The following OLFM3 variants were observed in gnomAD, a reference collection of about 807,000 sequenced individuals.
OLFM3 encodes noelin-3.
In OLFM3, 20 loss-of-function variants were observed where a neutral mutation model predicts 48.6. The ratio of observed to expected loss-of-function variants is 0.41; its 90% confidence interval spans 0.29 to 0.60. OLFM3 has a LOEUF of 0.60. Ranked by LOEUF, OLFM3 falls within the 20% of genes least tolerant of loss-of-function variation. The pLI is 0.28. For missense variants in OLFM3, 437 were observed against 544.3 expected (o/e 0.80, Z 1.96); for synonymous variants, 222 against 198.1 (o/e 1.12, Z -1.01).
chr1:101,943,953 C>T (rs1659874148), intron 1 of OLFM3, among the ~76,000 whole-genome samples: 1 of 151,452 alleles, frequency 6.6e-6, no homozygotes, highest in Admixed American at 6.6e-5. Flanking sequence ...TGCAACATTG[C>T]CTAATAACTT....
chr1:101,986,146 T>C (rs935625945), intron 1 of OLFM3, among the ~76,000 whole-genome samples: 2 of 152,148 alleles, frequency 1.3e-5, no homozygotes, highest in East Asian at 3.9e-4. Context: ...TTTGTATTTT[T>C]AGTAGAGACG....
chr1:101,991,131 C>T (rs964448745), intron 1 of OLFM3, among the ~76,000 whole-genome samples: 1 of 131,888 alleles, frequency 7.6e-6, no homozygotes, highest in Non-Finnish European at 1.6e-5. Flanking sequence ...ACCACCATTT[C>T]AACATCATAT....
At chr1:101,837,779 G>A (rs1655503635) in intron 1 of OLFM3, 1 of 152,202 alleles carries the variant, frequency 6.6e-6, no homozygotes, top group African/African-American at 2.4e-5. Flanking sequence ...AAATCGGTCT[G>A]TGTGCGTCGT....
intron 1 of OLFM3, among the ~76,000 whole-genome samples, chr1:101,843,660 T>A (rs1655839795): frequency 6.6e-6 from 1 of 152,198 alleles, no homozygotes; most frequent in Non-Finnish European, 1.5e-5. Flanking sequence ...TCCTGGAAAT[T>A]TTAAAACCCC....
At chr1:101,975,903 A>G (rs1660940333) in intron 1 of OLFM3, among the ~76,000 whole-genome samples, 1 of 152,164 alleles carries the variant, frequency 6.6e-6, no homozygotes, top group Admixed American at 6.5e-5. Context: ...TCAAAGAAAG[A>G]GCACGAAAGA....
intron 1 of OLFM3, among the ~76,000 whole-genome samples, chr1:101,903,791 C>A (rs1230637883): frequency 6.6e-6 from 1 of 151,902 alleles, no homozygotes; most frequent in Non-Finnish European, 1.5e-5. Flanking sequence ...AAAACTGAAA[C>A]AAAACATTGT....
In OLFM3 at chr1:101,803,656, A is replaced by C. The variant is rs1416006941; in HGVS notation, c.*582T>G. On this transcript the variant is annotated 3_prime_UTR_variant, in exon 6 of 6. Coordinates refer to ENST00000370103, the MANE Select transcript of OLFM3 (RefSeq NM_058170.4). ...ATACAATAGCACAATGGTGGTTACA[A>C]TGGTAGAAATACATACTGCCAATAA... is the stretch of plus-strand genomic sequence containing the variant. 6.6e-6 allele frequency: 1 copy of C among 152,246 alleles called. No individual in the cohort carries two copies. Among genetic ancestry groups the C allele is most frequent in the Non-Finnish European group, 1.5e-5 (1 of 67,828 alleles). The allele number at this position is 152,246 out of a possible 1,614,324, so 9.4% of individuals were successfully genotyped here.
intron 1 of OLFM3, among the ~76,000 whole-genome samples, chr1:101,867,663 T>G (rs986252922): frequency 6.6e-6 from 1 of 152,228 alleles, no homozygotes; most frequent in African/African-American, 2.4e-5. Context: ...GAATTCTGCC[T>G]CTACTACCCA....
intron 1 of OLFM3, among the ~76,000 whole-genome samples, chr1:101,958,928 T>A (rs6659857): frequency 0.032 from 4,787 of 151,574 alleles, 266 homozygotes; most frequent in African/African-American, 0.11. Flanking sequence ...TAAAATCTAG[T>A]TTCTTAGCAA....
chr1:101,990,594 A>G (rs1661370756), intron 1 of OLFM3, among the ~76,000 whole-genome samples: 1 of 152,188 alleles, frequency 6.6e-6, no homozygotes, highest in African/African-American at 2.4e-5. Flanking sequence ...GCCACTTCTT[A>G]TTTCATGTCC....
intron 1 of OLFM3, among the ~76,000 whole-genome samples, chr1:101,866,406 A>C (rs1441202015): frequency 1.5e-5 from 2 of 137,864 alleles, no homozygotes; most frequent in Non-Finnish European, 3.3e-5. Context: ...TTATGTATTG[A>C]ATCAATAGAT....
chr1:101,994,821 A>G (rs1228164439), intron 1 of OLFM3, among the ~76,000 whole-genome samples: 1 of 151,974 alleles, frequency 6.6e-6, no homozygotes. Context: ...GAAGCTGAGA[A>G]GGACAGTTTG....
intron 1 of OLFM3, among the ~76,000 whole-genome samples, chr1:101,952,536 A>C (rs1660174149): frequency 6.6e-6 from 1 of 152,256 alleles, no homozygotes; most frequent in South Asian, 2.1e-4. Flanking sequence ...GAGATGTAGT[A>C]TTATAAATAT....
intron 1 of OLFM3, among the ~76,000 whole-genome samples, chr1:101,872,939 AT>A (rs775052674): frequency 1.3e-5 from 2 of 152,030 alleles, no homozygotes; most frequent in Non-Finnish European, 2.9e-5. Flanking sequence ...TTAAAAACAA[AT>A]CAACCTAATT....
At chr1:101,828,026 C>CTG (rs1418413295) in intron 3 of OLFM3, among the ~76,000 whole-genome samples, 121 of 100,796 alleles carry the variant, frequency 1.2e-3, no homozygotes, top group African/African-American at 1.8e-3. Flanking sequence ...CTCTCTCTCT[C>CTG]TCTCTCTGTC....
At chr1:101,920,477 A>G (rs952828529) in intron 1 of OLFM3, among the ~76,000 whole-genome samples, 7 of 152,246 alleles carry the variant, frequency 4.6e-5, no homozygotes, top group Admixed American at 2.6e-4. Context: ...TTTGTTAAAT[A>G]GGTGAACATA....
At chr1:101,968,500 TAAATG>T (rs1660685038) in intron 1 of OLFM3, among the ~76,000 whole-genome samples, 1 of 102,498 alleles carries the variant, frequency 9.8e-6, no homozygotes, top group Non-Finnish European at 2.0e-5. Context: ...AAAGGAAACT[TAAATG>T]AAAAAGAACT....
intron 1 of OLFM3, among the ~76,000 whole-genome samples, chr1:101,993,961 A>C (rs1661485229): frequency 6.6e-6 from 1 of 151,472 alleles, no homozygotes; most frequent in Non-Finnish European, 1.5e-5. Flanking sequence ...CAGAAAAAAA[A>C]AAAAAAGACA....
chr1:101,978,164 A>T lies in OLFM3; in HGVS notation c.69+18584T>A, dbSNP rs146342935. Among the ~76,000 whole-genome samples, 8 of 152,244 alleles carry T rather than the reference A, an allele frequency of 5.3e-5. No homozygotes were observed. In the East Asian group the frequency reaches 1.5e-3, roughly 29 times the overall value. On this transcript the variant is annotated intron_variant, in intron 1 of 5. Transcript: ENST00000370103. ...GTTTATGTAGTCCCTTGAGGGAGGT[A>T]TTATTTTCCCAATTGTATTATGGAG...
Sources: gnomAD v4.1 joint callset for allele counts (sites outside exome capture counted in the v4.1 genomes callset) on GRCh38, gnomAD v4.1.1 for gene constraint, MANE v1.5 for transcripts, NCBI Gene and HGNC (gene_info 2026-07-23, HGNC 2026-07-21) for gene names.